RMC1: variants seen among roughly 807,000 people sequenced by gnomAD.
RMC1 encodes regulator of MON1-CCZ1, also known as regulator of MON1-CCZ1 complex.
A neutral mutation model predicts 95.5 loss-of-function variants in RMC1; 44 were observed. The observed-to-expected ratio is 0.46, with a 90% confidence interval of 0.36 to 0.59. RMC1 has a LOEUF of 0.59. Among genes scored for constraint, RMC1 ranks in the 20% least tolerant of loss-of-function variants. The pLI, the probability that RMC1 is intolerant of heterozygous loss-of-function variation, is 0.00. For missense variants in RMC1, 705 were observed against 819.6 expected (o/e 0.86, Z 1.71); for synonymous variants, 320 against 303.6 (o/e 1.05, Z -0.56).
At chr18:23,523,018 C>T (rs1471190428) in intron 10 of RMC1, 4 of 152,244 alleles carry the variant, frequency 2.6e-5, no homozygotes, top group Non-Finnish European at 5.9e-5. Flanking sequence ...TTAGGATCAT[C>T]TGGGGGGCCT....
intron 5 of RMC1, among the ~76,000 whole-genome samples, chr18:23,510,190 G>T (rs2057815651): frequency 6.6e-6 from 1 of 151,742 alleles, no homozygotes; most frequent in South Asian, 2.1e-4. Context: ...CAGGCATGGT[G>T]GTGTGCGCCT....
intron 7 of RMC1, 83 bp from the exon 8 acceptor site, chr18:23,518,807 A>T: frequency 8.2e-7 from 1 of 1,224,058 alleles, no homozygotes; most frequent in Non-Finnish European, 1.2e-6. Flanking sequence ...AATATCTTAT[A>T]ATTTACTTAA....
At position 23,526,679 on chromosome 18, in the gene RMC1, A is replaced by G. The variant is rs752651387; in HGVS notation, c.1103A>G (p.Asn368Ser). 2.5e-6 allele frequency: 4 copies of G among 1,614,014 alleles called. No homozygotes were observed. In the East Asian group the frequency reaches 8.9e-5, roughly 36 times the overall value. Residue 368 changes from asparagine to serine, a missense_variant, in exon 13 of 20, where the codon AAT (asparagine) becomes AGT (serine). By Grantham distance (46) the Asn-to-Ser change is conservative (BLOSUM62 1). Coordinates refer to ENST00000269221, the MANE Select transcript of RMC1 (RefSeq NM_013326.5). ...CAAGTGAAACTTGAGCCCATAGTAA[A>G]TCTCTTACCAGACAAAGGAAGACTC... ...NLQVKLEPIV[N>S]LLPDKGRLMD...
At chr18:23,521,707 T>C (rs928776376) in intron 10 of RMC1, among the ~76,000 whole-genome samples, 1 of 151,606 alleles carries the variant, frequency 6.6e-6, no homozygotes, top group Non-Finnish European at 1.5e-5. Flanking sequence ...TTTTTTTTTT[T>C]CCTTAAACAG....
intron 6 of RMC1, 131 bp from the exon 7 acceptor site, chr18:23,516,189 G>A: frequency 3.0e-6 from 4 of 1,320,754 alleles, no homozygotes; most frequent in Non-Finnish European, 4.3e-6. Context: ...CAGGCTGTGA[G>A]AGGACATGGG....
Position 23,503,678 on chromosome 18 carries a change from G to C in RMC1, c.60G>C (p.Ala20=). The C allele has an allele frequency of 5.6e-6, 9 of 1,594,750 alleles. No homozygotes were observed. Among genetic ancestry groups the C allele is most frequent in the Non-Finnish European group, 6.8e-6 (8 of 1,170,934 alleles). ...AGCGGCCGGTGCAGTTCGAGAAGGCGAACCCTGTCAACTGCGTCTTCTTCG... is the reference window on the plus strand; with the variant it reads ...AGCGGCCGGTGCAGTTCGAGAAGGCCAACCCTGTCAACTGCGTCTTCTTCG... ...LCERPVQFEK[A]NPVNCVFFDE... is the part of the protein sequence containing the mutation. The change falls in exon 1 of 20, where the codon GCG becomes GCC. Residue 20 remains alanine (A), a synonymous_variant. Coordinates refer to ENST00000269221, the MANE Select transcript of RMC1 (RefSeq NM_013326.5).
intron 12 of RMC1, among the ~76,000 whole-genome samples, chr18:23,526,072 TG>T (rs1402721777): frequency 6.6e-6 from 1 of 152,234 alleles, no homozygotes; most frequent in African/African-American, 2.4e-5. Flanking sequence ...GTCACCCAGA[TG>T]ATTTTTTATG....
chr18:23,520,430 ATCTG>A (rs1371140547), intron 10 of RMC1, 117 bp downstream of exon 10: 2 of 859,632 alleles, frequency 2.3e-6, no homozygotes, highest in Non-Finnish European at 3.6e-6. Context: ...AGATTCCCAG[ATCTG>A]TCTGATTTTG....
chr18:23,525,680 C>G (rs1229196700), intron 12 of RMC1, among the ~76,000 whole-genome samples: 6 of 152,204 alleles, frequency 3.9e-5, no homozygotes, highest in Non-Finnish European at 2.9e-5. Context: ...ACCTCAGCCT[C>G]CCAAAGTGCT....
chr18:23,529,287 G>T lies in RMC1; in HGVS notation c.1405G>T (p.Val469Leu), dbSNP rs144103523. ...DVYTHVLSAF[V>L]EKKEMPHKFV... The stretch of plus-strand genomic sequence containing the variant: ...GTACACCCATGTCCTGTCAGCCTTT[G>T]TGGAAAAGAAGGTGGGCTGCAGCTT... Residue 469 changes from valine (V) to leucine (L), a missense_variant, in exon 15 of 20, where the codon GTG becomes TTG. Val to Leu is a conservative substitution (Grantham distance 32, BLOSUM62 1). Coordinates refer to ENST00000269221, the MANE Select transcript of RMC1 (RefSeq NM_013326.5). The T allele has an allele frequency of 3.1e-6, 5 of 1,610,578 alleles. No homozygotes were observed. Among genetic ancestry groups the T allele is most frequent in the Middle Eastern group, 1.7e-4 (1 of 6,016 alleles).
Position 23,527,910 on chromosome 18 carries a change from C to T in RMC1, c.1296+9C>T. Reference sequence around the variant, plus strand: ...AGCAGAGTTATGCGATGGTGAGTTACATGGAGTATGACAAAGGGTCCTCCT... The same window carrying T: ...AGCAGAGTTATGCGATGGTGAGTTATATGGAGTATGACAAAGGGTCCTCCT... On this transcript the variant is annotated intron_variant, in intron 14 of 19. Transcript: ENST00000269221. 1.2e-6 allele frequency: 2 copies of T among 1,607,198 alleles called. No individual in the cohort carries two copies. The highest frequency in any genetic ancestry group is 1.7e-6 in the Non-Finnish European group (2 of 1,174,644).
chr18:23,524,679 A>G (rs990830517), intron 12 of RMC1, among the ~76,000 whole-genome samples, 197 bp downstream of exon 12: 7 of 151,916 alleles, frequency 4.6e-5, no homozygotes, highest in Admixed American at 4.6e-4. Context: ...ACTACTTTTA[A>G]TAATTAAAGC....
chr18:23,527,813 G>A lies in RMC1; in HGVS notation c.1208G>A (p.Arg403Lys). 6.2e-7 allele frequency: 1 copy of A among 1,614,070 alleles called. No individual in the cohort carries two copies. The highest frequency in any genetic ancestry group is 8.5e-7 in the Non-Finnish European group (1 of 1,179,988). The part of the protein sequence containing the change: ...VCSQMLSESD[R>K]ASLPVIATVF... ...TTTCCAGTGTTAAGTGAGTCAGACA[G>A]AGCATCGCTGCCCGTGATAGCCACT... Residue 403 changes from arginine (R) to lysine (K), a missense_variant, in exon 14 of 20, where the codon AGA (arginine) becomes AAA (lysine). Transcript: ENST00000269221.
At position 23,519,850 on chromosome 18, in the gene RMC1, A is replaced by AT. The variant is rs150804622; in HGVS notation, c.850-351dup. On this transcript the variant is annotated intron_variant, in intron 9 of 19. Transcript: ENST00000269221. ...ATGGGTCCTGTGGGCTGGGCCTCTG[A>AT]TATAAAGAAGCTGCTTACCTCCTCT... Among the ~76,000 whole-genome samples the AT allele has an allele frequency of 5.1e-3, 780 of 152,186 alleles. 6 individuals are homozygous for AT. The highest frequency in any genetic ancestry group is 0.018 in the African/African-American group (743 of 41,508).
rs751697840 is a variant in RMC1, at chr18:23,515,933, G to C, written c.486G>C (p.Glu162Asp). The C allele has an allele frequency of 6.2e-7, 1 of 1,614,154 alleles. No individual in the cohort carries two copies. The highest frequency in any genetic ancestry group is 1.1e-5 in the South Asian group (1 of 91,082). ...TGAATTGGTACATGTACTGCCCCGA[G>C]AGCGCCGTGATCTTGCTGTCTACCA... ...LNVNWYMYCPESAVILLSTTV... is the reference protein window; with the variant it reads ...LNVNWYMYCPDSAVILLSTTV... Residue 162 changes from glutamate (E) to aspartate (D), a missense_variant, in exon 6 of 20, where the codon GAG (glutamate) becomes GAC (aspartate). Physicochemically the swap from Glu to Asp is conservative, Grantham distance 45. Coordinates refer to ENST00000269221, the MANE Select transcript of RMC1 (RefSeq NM_013326.5).
intron 3 of RMC1, 65 bp from the exon 4 acceptor site, chr18:23,507,920 C>T: frequency 6.8e-7 from 1 of 1,460,222 alleles, no homozygotes; most frequent in Non-Finnish European, 9.4e-7. Flanking sequence ...TGTAGTATGC[C>T]AACGTAGGTT....
At position 23,513,690 on chromosome 18, in the gene RMC1, C is replaced by T. The variant is rs1033887517; in HGVS notation, c.409-2166C>T. 3.3e-5 allele frequency among the ~76,000 whole-genome samples: 5 copies of T among 152,306 alleles called. No homozygotes were observed. The East Asian group carries it at 7.7e-4, about 23-fold the overall frequency. On this transcript the variant is annotated intron_variant, in intron 5 of 19. Transcript: ENST00000269221. ...TACAAGGGTCCCAGTTTCTCCATAT[C>T]CTCACCAACACTTGCTGTTTTGTTT... is the stretch of plus-strand genomic sequence containing the variant.
chr18:23,526,113 T>C (rs1012801051), intron 12 of RMC1, among the ~76,000 whole-genome samples: 1 of 152,156 alleles, frequency 6.6e-6, no homozygotes, highest in African/African-American at 2.4e-5. Flanking sequence ...GGCATCCCAA[T>C]TGGGAAAGGC....
intron 16 of RMC1, 55 bp from the exon 17 acceptor site, chr18:23,529,973 C>T: frequency 6.8e-7 from 1 of 1,477,886 alleles, no homozygotes; most frequent in Non-Finnish European, 9.4e-7. Flanking sequence ...AGCCTCTAGT[C>T]TGTTGTAGCT....
Sources: gnomAD v4.1 joint callset for allele counts (sites outside exome capture counted in the v4.1 genomes callset) on GRCh38, gnomAD v4.1.1 for gene constraint, MANE v1.5 for transcripts, NCBI Gene and HGNC (gene_info 2026-07-23, HGNC 2026-07-21) for gene names.